CSMD1: variants seen among roughly 807,000 people sequenced by gnomAD.
The protein encoded by CSMD1 is CUB and Sushi multiple domains 1.
Under a neutral mutation model 417.5 loss-of-function variants are expected in CSMD1, and 213 were observed. The ratio of observed to expected loss-of-function variants is 0.51; its 90% CI spans 0.46 to 0.57. The LOEUF is 0.57. Ranked by LOEUF, CSMD1 falls within the 20% of genes least tolerant of loss-of-function variation. CSMD1 has a pLI of 0.00. For synonymous variants in CSMD1, 2,862 were observed against 1,736.8 expected, an observed-to-expected ratio of 1.65 and a Z score of -16.11; for missense variants, 6,923 against 4,529.7, an observed-to-expected ratio of 1.53 and a Z score of -15.17.
At chr8:3,908,307 G>A (rs549745636) in intron 5 of CSMD1, among the ~76,000 whole-genome samples, 1 of 152,128 alleles carries the variant, frequency 6.6e-6, no homozygotes, top group Non-Finnish European at 1.5e-5. Flanking sequence ...TATCATGAAA[G>A]GAAATGTGAA....
At chr8:3,608,172 T>A (rs1468584265) in intron 8 of CSMD1, among the ~76,000 whole-genome samples, 7 of 78,116 alleles carry the variant, frequency 9.0e-5, no homozygotes, top group African/African-American at 3.5e-4. Flanking sequence ...AGAAGCCATC[T>A]CAAAAAAAAA....
intron 3 of CSMD1, among the ~76,000 whole-genome samples, chr8:4,168,027 G>C (rs746598539): frequency 1.3e-5 from 2 of 152,000 alleles, no homozygotes; most frequent in Non-Finnish European, 2.9e-5. Flanking sequence ...TAATCAGGAA[G>C]CTGAGGCCGT....
chr8:4,320,949 T>G (rs960429753), intron 3 of CSMD1, among the ~76,000 whole-genome samples: 2 of 152,182 alleles, frequency 1.3e-5, no homozygotes, highest in South Asian at 2.1e-4. Context: ...TGTGAGGTCC[T>G]AGCCACTCTG....
At position 3,408,148 on chromosome 8, in the gene CSMD1, T is replaced by C. The variant is rs771231005; in HGVS notation, c.1822A>G (p.Met608Val). 6.2e-7 allele frequency: 1 copy of C among 1,613,516 alleles called. No homozygotes were observed. Among genetic ancestry groups the C allele is most frequent in the Non-Finnish European group, 8.5e-7 (1 of 1,179,604 alleles). The part of the protein sequence containing the change: ...PNYPEEYGNN[M>V]NCVWLIISEP... ...GAGATAATCAACCAGACACAGTTCATGTTGTTCCCATATTCCTCTGGATAA... is the reference window on the plus strand; with the variant it reads ...GAGATAATCAACCAGACACAGTTCACGTTGTTCCCATATTCCTCTGGATAA... Residue 608 changes from methionine to valine, a missense_variant, in exon 14 of 70, where the codon ATG (methionine) becomes GTG (valine). Met to Val is a conservative substitution (Grantham distance 21). Transcript: ENST00000635120.
intron 1 of CSMD1, among the ~76,000 whole-genome samples, chr8:4,900,394 G>A (rs568390326): frequency 4.6e-5 from 7 of 152,160 alleles, no homozygotes; most frequent in South Asian, 2.1e-4. Flanking sequence ...CCTTCCGCAC[G>A]CCTCTGCACC....
intron 1 of CSMD1, among the ~76,000 whole-genome samples, chr8:4,743,692 T>A (rs1299257054): frequency 1.3e-5 from 2 of 152,232 alleles, no homozygotes; most frequent in East Asian, 3.8e-4. Flanking sequence ...AGCTTTCTTC[T>A]GCTCTAACCA....
intron 7 of CSMD1, among the ~76,000 whole-genome samples, chr8:3,649,995 G>C (rs994856403): frequency 5.3e-5 from 8 of 152,096 alleles, no homozygotes; most frequent in African/African-American, 1.4e-4. Context: ...AATGATAAAT[G>C]AGGCTGGGCC....
chr8:4,268,702 T>C (rs1201490894), intron 3 of CSMD1, among the ~76,000 whole-genome samples: 4 of 152,114 alleles, frequency 2.6e-5, no homozygotes, highest in Non-Finnish European at 5.9e-5. Context: ...ATCTCAATTT[T>C]TTTTGAAGTA....
intron 46 of CSMD1, among the ~76,000 whole-genome samples, chr8:3,099,757 C>T (rs544439951): frequency 6.6e-6 from 1 of 152,202 alleles, no homozygotes; most frequent in African/African-American, 2.4e-5. Context: ...CATTCTTATT[C>T]CTTTCATATT....
At chr8:3,459,710 G>T (rs1816379060) in intron 12 of CSMD1, among the ~76,000 whole-genome samples, 1 of 152,092 alleles carries the variant, frequency 6.6e-6, no homozygotes, top group East Asian at 1.9e-4. Flanking sequence ...GGTTCCGAAA[G>T]GTCATCATTC....
intron 3 of CSMD1, among the ~76,000 whole-genome samples, chr8:4,408,233 T>A (rs916867266): frequency 1.3e-4 from 20 of 152,306 alleles, no homozygotes; most frequent in East Asian, 9.7e-4. Flanking sequence ...CCTTCCTTAT[T>A]GGTGGTGTTT....
chr8:4,599,296 T>C (rs1480419328), intron 2 of CSMD1, among the ~76,000 whole-genome samples: 4 of 152,142 alleles, frequency 2.6e-5, no homozygotes, highest in African/African-American at 9.7e-5. Flanking sequence ...TGGTGGATCA[T>C]GTGGCTTCAT....
chr8:4,040,983 G>T (rs943798163), intron 3 of CSMD1, among the ~76,000 whole-genome samples: 1 of 146,610 alleles, frequency 6.8e-6, no homozygotes, highest in South Asian at 2.1e-4. Flanking sequence ...TCCTCACGTG[G>T]TCCTATATTT....
chr8:4,493,253 A>G (rs745313092), intron 2 of CSMD1, among the ~76,000 whole-genome samples: 2 of 152,178 alleles, frequency 1.3e-5, no homozygotes, highest in Non-Finnish European at 2.9e-5. Flanking sequence ...GATTGTCTTA[A>G]CAAATAATTG....
intron 1 of CSMD1, among the ~76,000 whole-genome samples, chr8:4,886,209 T>A (rs781507030): frequency 2.1e-4 from 32 of 152,040 alleles, no homozygotes; most frequent in Admixed American, 3.3e-4. Context: ...CAGGCTGGTC[T>A]CAAACTCCTG....
intron 35 of CSMD1, among the ~76,000 whole-genome samples, chr8:3,188,293 T>A: frequency 7.8e-6 from 1 of 127,786 alleles, no homozygotes; most frequent in Admixed American, 1.1e-4. Context: ...TTTTTCTTTT[T>A]CTTTTCCTTT....
intron 5 of CSMD1, among the ~76,000 whole-genome samples, chr8:3,810,704 T>C (rs1801019121): frequency 6.6e-6 from 1 of 152,218 alleles, no homozygotes; most frequent in Admixed American, 6.5e-5. Flanking sequence ...GGTTTATCTC[T>C]TGTAAAACAT....
intron 3 of CSMD1, among the ~76,000 whole-genome samples, chr8:4,169,923 G>T (rs111969892): frequency 6.7e-5 from 10 of 149,732 alleles, no homozygotes; most frequent in African/African-American, 2.6e-4. Context: ...ATTATAGAAC[G>T]TAACTCAGAA....
At chr8:3,658,158 G>A (rs980654582) in intron 7 of CSMD1, among the ~76,000 whole-genome samples, 1 of 152,022 alleles carries the variant, frequency 6.6e-6, no homozygotes, top group Non-Finnish European at 1.5e-5. Context: ...ATCTCTCTCA[G>A]AATGTAACTC....
Sources: allele counts gnomAD v4.1 joint callset (sites outside exome capture counted in the v4.1 genomes callset), GRCh38; gene constraint gnomAD v4.1.1; transcripts MANE v1.5; gene names NCBI Gene and HGNC (gene_info 2026-07-23, HGNC 2026-07-21).